Variants in RET observed in about 807,000 individuals in gnomAD.
The protein encoded by RET is ret proto-oncogene.
In RET, 19 loss-of-function variants were observed where a neutral mutation model predicts 118.3. The observed-to-expected ratio is 0.16, with a 90% CI of 0.11 to 0.24. RET has a LOEUF of 0.24. RET is among the 10% of genes least tolerant of loss of function. The pLI is 1.00. For synonymous variants in RET, 597 were observed against 644.1 expected (o/e 0.93, Z 1.11); for missense variants, 1,219 against 1,502.1 (o/e 0.81, Z 3.12).
intron 2 of RET, among the ~76,000 whole-genome samples, chr10:43,101,599 G>A (rs1438458632): frequency 3.3e-5 from 5 of 152,242 alleles, no homozygotes; most frequent in Non-Finnish European, 7.3e-5. Context: ...GGAGCTTGAG[G>A]AATGGGAGTC....
At chr10:43,092,981 C>T (rs752978) in intron 1 of RET, among the ~76,000 whole-genome samples, 58,533 of 152,086 alleles carry the variant, frequency 0.38, 11,577 homozygotes, top group South Asian at 0.51. Flanking sequence ...CAAATGTGCC[C>T]AGCCCTTTCA....
rs1837615966 is a variant in RET at position 43,100,538 on chromosome 10, G to C, written c.153G>C (p.Leu51=). 2 of 1,613,896 alleles carry C rather than the reference G, an allele frequency of 1.2e-6. No individual in the cohort carries two copies. The highest frequency in any genetic ancestry group is 1.7e-6 in the Non-Finnish European group (2 of 1,180,022). The change falls in exon 2 of 20, where the codon CTG becomes CTC. Residue 51 remains leucine (L), a synonymous_variant. Coordinates refer to ENST00000355710, the MANE Select transcript of RET (RefSeq NM_020975.6). ...YVDQAAGTPL[L]YVHALRDAPE... is the part of the protein sequence containing the mutation. The stretch of plus-strand genomic sequence containing the variant: ...ACCAGGCAGCCGGCACGCCCTTGCT[G>C]TACGTCCATGCCCTGCGGGACGCCC...
chr10:43,100,793 C>A (rs963769200), intron 2 of RET, 71 bp downstream of exon 2: 1 of 1,487,888 alleles, frequency 6.7e-7, no homozygotes, highest in East Asian at 2.5e-5. Context: ...TTATCACAGC[C>A]GCTGACACTG....
intron 1 of RET, among the ~76,000 whole-genome samples, chr10:43,077,872 G>A (rs190910602): frequency 6.6e-6 from 1 of 152,176 alleles, no homozygotes; most frequent in African/African-American, 2.4e-5. Flanking sequence ...CTTTTCCCTC[G>A]TGCGTTTTTG....
At chr10:43,078,527 T>C (rs764030163) in intron 1 of RET, among the ~76,000 whole-genome samples, 10 of 152,234 alleles carry the variant, frequency 6.6e-5, no homozygotes, top group Non-Finnish European at 1.5e-4. Context: ...CTTGCCTTTC[T>C]ATCTTTTCTG....
intron 1 of RET, among the ~76,000 whole-genome samples, chr10:43,093,303 C>T (rs1837448002): frequency 6.6e-6 from 1 of 151,828 alleles, no homozygotes. Flanking sequence ...CAGGGTTGGA[C>T]AGGGGTGGCA....
At chr10:43,115,032 G>A (rs1838039939) in intron 11 of RET, among the ~76,000 whole-genome samples, 1 of 152,168 alleles carries the variant, frequency 6.6e-6, no homozygotes. Context: ...GTGCCTTTCT[G>A]GGGAGCCTGG....
Position 43,128,576 on chromosome 10 carries a change from T to C in RET, c.*307T>C, listed in dbSNP as rs1206575120. 1.0e-5 allele frequency: 5 copies of C among 493,784 alleles called. No homozygotes were observed. The highest frequency in any genetic ancestry group is 2.1e-5 in the South Asian group (1 of 48,538). 30.6% of individuals were successfully genotyped at this position (493,784 alleles called of 1,614,324 possible). On this transcript the variant is annotated 3_prime_UTR_variant, in exon 20 of 20. Coordinates refer to ENST00000355710, the MANE Select transcript of RET (RefSeq NM_020975.6). ...TGTGTCCATCAGTGACCACCAACAT[T>C]CTGTGTTCACATGTGTGGGTCCAAC...
intron 3 of RET, 48 bp from the exon 4 acceptor site, chr10:43,104,904 C>A (rs929487035): frequency 6.5e-7 from 1 of 1,539,228 alleles, no homozygotes; most frequent in Non-Finnish European, 8.7e-7. Context: ...GCGGCTGGCC[C>A]GGTCCCGGCT....
chr10:43,078,332 C>T (rs572781106), intron 1 of RET, among the ~76,000 whole-genome samples: 64 of 152,358 alleles, frequency 4.2e-4, no homozygotes, highest in Admixed American at 2.0e-3. Flanking sequence ...AGGGCTTTCT[C>T]TCCCCACAGC....
intron 18 of RET, among the ~76,000 whole-genome samples, chr10:43,126,039 C>T (rs1212636129): frequency 6.6e-6 from 1 of 152,194 alleles, no homozygotes; most frequent in Non-Finnish European, 1.5e-5. Flanking sequence ...TAGCAGGGTC[C>T]TGTGCACCCT....
At chr10:43,088,290 G>A (rs1837336896) in intron 1 of RET, among the ~76,000 whole-genome samples, 1 of 147,416 alleles carries the variant, frequency 6.8e-6, no homozygotes, top group Admixed American at 6.6e-5. Flanking sequence ...TGGTGAAGGT[G>A]GTGGTGGAGG....
At chr10:43,101,616 T>C (rs749142983) in intron 2 of RET, among the ~76,000 whole-genome samples, 3 of 152,158 alleles carry the variant, frequency 2.0e-5, no homozygotes, top group Non-Finnish European at 4.4e-5. Context: ...AGTCCCTGGG[T>C]GGGGGCCAGT....
At position 43,128,711 on chromosome 10, in the gene RET, G is replaced by C. The variant is rs999396875; in HGVS notation, c.*442G>C. 9 of 381,584 alleles carry C rather than the reference G, an allele frequency of 2.4e-5. No homozygotes were observed. The highest frequency in any genetic ancestry group is 1.6e-4 in the African/African-American group (8 of 49,606). The allele number at this position is 381,584 out of a possible 1,614,324, so 23.6% of individuals were successfully genotyped here. A position where few individuals can be genotyped will look rare whatever the true frequency, so the allele number is the denominator to read the frequency against. On this transcript the variant is annotated 3_prime_UTR_variant, in exon 20 of 20. Transcript: ENST00000355710. ...AAGCACACACACAAAAAAGGCAGTA[G>C]GAAAAATGCTGGCCCTGATGACCTG...
At chr10:43,121,811 A>T (rs562423414) in intron 15 of RET, 135 bp from the exon 16 acceptor site, 1 of 745,524 alleles carries the variant, frequency 1.3e-6, no homozygotes, top group East Asian at 2.5e-5. Context: ...GTGTGTGGCC[A>T]GTTCTGTGCC....
At chr10:43,112,515 C>T (rs897751546) in intron 8 of RET, among the ~76,000 whole-genome samples, 7 of 152,320 alleles carry the variant, frequency 4.6e-5, no homozygotes, top group African/African-American at 1.2e-4. Context: ...GGGAGGTCCT[C>T]GGCCAGGGGA....
intron 1 of RET, among the ~76,000 whole-genome samples, chr10:43,082,359 A>G (rs1173424921): frequency 1.3e-5 from 2 of 152,222 alleles, no homozygotes; most frequent in African/African-American, 4.8e-5. Flanking sequence ...TTTTGCCTCA[A>G]GGAGTGGCTC....
chr10:43,116,853 G>A (rs1838084773), intron 12 of RET, 122 bp downstream of exon 12: 1 of 1,271,480 alleles, frequency 7.9e-7, no homozygotes, highest in African/African-American at 1.5e-5. Context: ...AGCGGCTGCA[G>A]TTGGGGGACC....
chr10:43,115,431 G>A (rs1338086972), intron 11 of RET, among the ~76,000 whole-genome samples: 4 of 152,214 alleles, frequency 2.6e-5, no homozygotes, highest in Non-Finnish European at 5.9e-5. Context: ...TGGAGCCTCC[G>A]TTCAGGCAAC....
Sources: allele counts gnomAD v4.1 joint callset (sites outside exome capture counted in the v4.1 genomes callset), GRCh38; gene constraint gnomAD v4.1.1; transcripts MANE v1.5; gene names NCBI Gene and HGNC (gene_info 2026-07-23, HGNC 2026-07-21).